Variants in CAP2 observed in about 807,000 individuals in gnomAD.
CAP2 encodes the protein adenylyl cyclase-associated protein 2.
A neutral mutation model predicts 57.7 loss-of-function variants in CAP2; 24 were observed. The ratio of observed to expected loss-of-function variants is 0.42; its 90% CI spans 0.30 to 0.58. The LOEUF is 0.58. CAP2 is among the 20% of genes least tolerant of loss of function. CAP2 has a pLI of 0.22. For synonymous variants in CAP2, 194 were observed against 207.2 expected, an observed-to-expected ratio of 0.94 and a Z score of 0.55; for missense variants, 501 against 590.3, an observed-to-expected ratio of 0.85 and a Z score of 1.57.
chr6:17,529,557 C>T (rs750550091), intron 7 of CAP2, among the ~76,000 whole-genome samples: 2 of 150,862 alleles, frequency 1.3e-5, no homozygotes, highest in African/African-American at 2.4e-5. Context: ...AGGAGAATGG[C>T]GTGAACCTGG....
intron 4 of CAP2, among the ~76,000 whole-genome samples, chr6:17,492,132 G>A (rs905354176): frequency 1.3e-5 from 2 of 152,236 alleles, no homozygotes; most frequent in Non-Finnish European, 2.9e-5. Context: ...ACCCATGTGC[G>A]ATGCTGGAAA....
In CAP2 at chr6:17,438,601, G is replaced by A. The variant is rs575455445; in HGVS notation, c.222+11911G>A. On this transcript the variant is annotated intron_variant, in intron 3 of 12. Coordinates refer to ENST00000229922, the MANE Select transcript of CAP2 (RefSeq NM_006366.3). ...CTACAGGCGCCCACAACCACGTCCAGCTAATTTTTTTGTATTTTTAGTAGA... is the reference window on the plus strand; with the variant it reads ...CTACAGGCGCCCACAACCACGTCCAACTAATTTTTTTGTATTTTTAGTAGA... Among the ~76,000 whole-genome samples the A allele has an allele frequency of 1.1e-3, 160 of 145,748 alleles. 5 individuals carry two copies. Among genetic ancestry groups the A allele is most frequent in the African/African-American group, 3.6e-3 (140 of 38,816 alleles).
intron 11 of CAP2, among the ~76,000 whole-genome samples, chr6:17,545,759 A>G (rs1044440713): frequency 2.0e-5 from 3 of 151,958 alleles, no homozygotes; most frequent in Non-Finnish European, 2.9e-5. Context: ...AAATGTTCTC[A>G]TTGTTCAATA....
chr6:17,539,334 C>T lies in CAP2; in HGVS notation c.702C>T (p.Pro234=). The T allele has an allele frequency of 6.2e-7, 1 of 1,614,034 alleles. No individual in the cohort carries two copies. The highest frequency in any genetic ancestry group is 1.3e-5 in the African/African-American group (1 of 75,056). The change falls in exon 8 of 13, where the codon CCC becomes CCT. Residue 234 remains proline, a synonymous_variant. Transcript: ENST00000229922. ...CCTCTGGGCCTGGCCTTCCTCCACC[C>T]CCTCCTCCTCTGCCTCCTCCAGGGC... The part of the protein sequence containing the change: ...VLSSGPGLPP[P]PPPLPPPGPP...
At chr6:17,416,452 G>C (rs1256934819) in intron 1 of CAP2, among the ~76,000 whole-genome samples, 1 of 152,158 alleles carries the variant, frequency 6.6e-6, no homozygotes, top group African/African-American at 2.4e-5. Context: ...GATGCAAATA[G>C]TCATAACTGT....
At chr6:17,553,529 A>G (rs1763222631) in intron 12 of CAP2, among the ~76,000 whole-genome samples, 1 of 151,582 alleles carries the variant, frequency 6.6e-6, no homozygotes, top group African/African-American at 2.4e-5. Context: ...GCTACTCAGG[A>G]GGCTGAAGAA....
chr6:17,429,702 AAGAAT>A (rs1425843461), intron 3 of CAP2, among the ~76,000 whole-genome samples: 2 of 152,222 alleles, frequency 1.3e-5, no homozygotes, highest in Non-Finnish European at 1.5e-5. Flanking sequence ...AAGGAAGGAA[AAGAAT>A]AGAAGACAGA....
chr6:17,432,091 C>T (rs1164809799), intron 3 of CAP2, among the ~76,000 whole-genome samples: 3 of 152,132 alleles, frequency 2.0e-5, no homozygotes, highest in Non-Finnish European at 4.4e-5. Context: ...TCTGGTCCTA[C>T]GAGTTGTCAC....
intron 7 of CAP2, among the ~76,000 whole-genome samples, chr6:17,515,502 G>A (rs1046886812): frequency 6.6e-6 from 1 of 152,054 alleles, no homozygotes; most frequent in Non-Finnish European, 1.5e-5. Context: ...ACTACTTACT[G>A]GGTACTGTGC....
intron 3 of CAP2, among the ~76,000 whole-genome samples, chr6:17,429,924 A>G (rs938411258): frequency 6.6e-6 from 1 of 152,216 alleles, no homozygotes; most frequent in Non-Finnish European, 1.5e-5. Flanking sequence ...TGCCTCTCAC[A>G]TCAGCCAGAA....
chr6:17,430,405 C>A (rs1008751429), intron 3 of CAP2, among the ~76,000 whole-genome samples: 9 of 152,150 alleles, frequency 5.9e-5, no homozygotes, highest in Admixed American at 2.0e-4. Context: ...TGCATACATG[C>A]ATGATTTTAT....
At chr6:17,532,770 A>G (rs1307133206) in intron 7 of CAP2, among the ~76,000 whole-genome samples, 1 of 138,150 alleles carries the variant, frequency 7.2e-6, no homozygotes, top group African/African-American at 2.7e-5. Context: ...CACAAAAAAA[A>G]CTGGAAGTGT....
chr6:17,432,662 T>A (rs1462170120), intron 3 of CAP2, among the ~76,000 whole-genome samples: 7 of 152,114 alleles, frequency 4.6e-5, no homozygotes. Flanking sequence ...ATAGCCAGAA[T>A]TTTTAGAGAA....
At position 17,537,247 on chromosome 6, in the gene CAP2, C is replaced by T. The variant is rs184811244; in HGVS notation, c.637-2022C>T. ...TGTTTTCCAGGCTGGGGTACAGTGG[C>T]GTGATCTCAACTCACTGCAACCTCT... is the stretch of plus-strand genomic sequence containing the variant. On this transcript the variant is annotated intron_variant, in intron 7 of 12. Transcript: ENST00000229922. Among the ~76,000 whole-genome samples the T allele has an allele frequency of 8.6e-5, 13 of 151,990 alleles. No homozygotes were observed. In the East Asian group the frequency reaches 2.3e-3, roughly 27 times the overall value.
At chr6:17,444,804 C>CTACA in intron 3 of CAP2, among the ~76,000 whole-genome samples, 1 of 140,520 alleles carries the variant, frequency 7.1e-6, no homozygotes, top group South Asian at 2.4e-4. Context: ...TTCTCTCTCT[C>CTACA]CACACACACA....
chr6:17,467,758 C>T (rs1381137958), intron 4 of CAP2, among the ~76,000 whole-genome samples: 6 of 152,208 alleles, frequency 3.9e-5, no homozygotes, highest in Non-Finnish European at 7.4e-5. Context: ...CTCCTGAACT[C>T]GTGATCCGCC....
intron 3 of CAP2, among the ~76,000 whole-genome samples, chr6:17,453,694 A>G (rs1760472780): frequency 6.6e-6 from 1 of 152,104 alleles, no homozygotes; most frequent in Non-Finnish European, 1.5e-5. Flanking sequence ...TATTCCCACA[A>G]AGTTAACCCA....
Position 17,541,115 on chromosome 6 carries a change from A to G in CAP2, c.969A>G (p.Pro323=). ...PKSYPSQKHA[P]VLELEGKKWR... ...CTTATCCTTCTCAAAAACATGCCCC[A>G]GTGTTGGAGTTGGAAGGAAAGAAAT... The change falls in exon 9 of 13, where the codon CCA becomes CCG. Residue 323 remains proline, a synonymous_variant. Coordinates refer to ENST00000229922, the MANE Select transcript of CAP2 (RefSeq NM_006366.3). The G allele has an allele frequency of 6.2e-7, 1 of 1,613,766 alleles. No homozygotes were observed. The highest frequency in any genetic ancestry group is 1.3e-5 in the African/African-American group (1 of 75,054).
intron 4 of CAP2, among the ~76,000 whole-genome samples, chr6:17,502,679 A>G (rs1761856432): frequency 6.6e-6 from 1 of 152,186 alleles, no homozygotes; most frequent in South Asian, 2.1e-4. Flanking sequence ...GAGATAAACA[A>G]AGATGGCCTT....
Sources: allele counts gnomAD v4.1 joint callset (sites outside exome capture counted in the v4.1 genomes callset), GRCh38; gene constraint gnomAD v4.1.1; transcripts MANE v1.5; gene names NCBI Gene and HGNC (gene_info 2026-07-23, HGNC 2026-07-21).